The following PKP2 variants were observed in gnomAD, a reference collection of about 807,000 sequenced individuals.
PKP2 encodes the protein plakophilin 2.
Under a neutral mutation model 83.4 loss-of-function variants are expected in PKP2, and 73 were observed. That is an observed-to-expected ratio of 0.88 (90% CI 0.72 to 1.06). The LOEUF is 1.06. PKP2 is among the 50% of genes least tolerant of loss of function. The probability of loss-of-function intolerance (pLI) is 0.00; values close to 1 mark genes in which losing one functional copy is unlikely to be tolerated. For missense variants in PKP2, 966 were observed against 1,065.4 expected (o/e 0.91, Z 1.30); for synonymous variants, 409 against 430.4 (o/e 0.95, Z 0.62).
chr12:32,825,530 T>C (rs1956430697), intron 6 of PKP2, among the ~76,000 whole-genome samples: 1 of 152,206 alleles, frequency 6.6e-6, no homozygotes, highest in African/African-American at 2.4e-5. Flanking sequence ...ACTTTTTCTT[T>C]ATAATGTGTT....
chr12:32,871,462 A>AT lies in PKP2; in HGVS notation c.1035-2401dup, dbSNP rs879903373. On this transcript the variant is annotated intron_variant, in intron 3 of 12. Transcript: ENST00000340811. ...AGGTGCACGCCACCATACCCGGCTA[A>AT]TTTTTTTTTTTTATTTTTTTTGAGA... Among the ~76,000 whole-genome samples, 728 of 146,594 alleles carry AT rather than the reference A, an allele frequency of 5.0e-3. 8 individuals carry two copies. The highest frequency in any genetic ancestry group is 0.016 in the African/African-American group (661 of 40,220).
At chr12:32,793,350 A>G (rs944449656) in intron 11 of PKP2, among the ~76,000 whole-genome samples, 1 of 152,152 alleles carries the variant, frequency 6.6e-6, no homozygotes, top group Non-Finnish European at 1.5e-5. Flanking sequence ...TATTTATAGA[A>G]TATAATCTAT....
intron 4 of PKP2, among the ~76,000 whole-genome samples, chr12:32,857,991 G>A (rs1262728207): frequency 2.1e-5 from 3 of 141,440 alleles, no homozygotes; most frequent in Admixed American, 1.5e-4. Context: ...ACTTTGAGAG[G>A]CTGAGGTGAG....
At chr12:32,822,186 G>A (rs1451335629) in intron 8 of PKP2, among the ~76,000 whole-genome samples, 2 of 152,158 alleles carry the variant, frequency 1.3e-5, no homozygotes, top group African/African-American at 2.4e-5. Flanking sequence ...TACGGTTCAT[G>A]GGTAGCAATG....
At chr12:32,887,731 C>T (rs527243633) in intron 1 of PKP2, among the ~76,000 whole-genome samples, 9 of 152,288 alleles carry the variant, frequency 5.9e-5, no homozygotes, top group South Asian at 4.1e-4. Context: ...GCGCTTTAGG[C>T]GTGAGCCATT....
intron 1 of PKP2, among the ~76,000 whole-genome samples, chr12:32,890,074 C>CAAAAAAA (rs55957473): frequency 2.1e-3 from 135 of 63,548 alleles, no homozygotes; most frequent in African/African-American, 2.7e-3. Flanking sequence ...GACTCCATCT[C>CAAAAAAA]AAAAAAAAAA....
rs1565572258 is a variant in PKP2, at chr12:32,796,125, T to G, written c.2341A>C (p.Ile781Leu). The part of the protein sequence containing the change: ...NTGGIQKIMA[I>L]SAGDAYASNK... ...AGGACTTACGCATCGCCTGCACTAA[T>G]GGCCATAATTTTCTGGATGCCCCCG... The change falls in exon 11 of 13, where the codon ATT becomes CTT. Residue 781 changes from isoleucine to leucine, a missense_variant. By Grantham distance (5) the Ile-to-Leu change is conservative. Coordinates refer to ENST00000340811, the MANE Select transcript of PKP2 (RefSeq NM_001005242.3). 1 of 1,614,042 alleles carries G rather than the reference T, an allele frequency of 6.2e-7. No homozygotes were observed.
At chr12:32,815,657 C>T (rs956943250) in intron 9 of PKP2, among the ~76,000 whole-genome samples, 1 of 152,114 alleles carries the variant, frequency 6.6e-6, no homozygotes, top group African/African-American at 2.4e-5. Flanking sequence ...TTCTTGAGAA[C>T]TAAAATCTCG....
At chr12:32,868,336 C>T (rs1956867482) in intron 4 of PKP2, among the ~76,000 whole-genome samples, 1 of 152,022 alleles carries the variant, frequency 6.6e-6, no homozygotes, top group Admixed American at 6.6e-5. Context: ...GCCTCAGCCT[C>T]CCAAGTAGCT....
chr12:32,878,999 T>C lies in PKP2; in HGVS notation c.257A>G (p.Tyr86Cys), dbSNP rs1441037050. 6.2e-7 allele frequency: 1 copy of C among 1,604,260 alleles called. No individual in the cohort carries two copies. The highest frequency in any genetic ancestry group is 1.3e-5 in the African/African-American group (1 of 74,712). ...NLHRTSSVPE[Y>C]VYNLHLVEND... Reference sequence around the variant, plus strand: ...TTCAACCAAGTGTAGGTTGTAGACATACTCAGGAACACTGCTGGTTCGGTG... The same window carrying C: ...TTCAACCAAGTGTAGGTTGTAGACACACTCAGGAACACTGCTGGTTCGGTG... Residue 86 changes from tyrosine (Y) to cysteine (C), a missense_variant, in exon 2 of 13, where the codon TAT becomes TGT. Coordinates refer to ENST00000340811, the MANE Select transcript of PKP2 (RefSeq NM_001005242.3).
chr12:32,805,148 GTT>G (rs527291555), intron 9 of PKP2, among the ~76,000 whole-genome samples: 2 of 141,680 alleles, frequency 1.4e-5, no homozygotes, highest in African/African-American at 2.6e-5. Context: ...TAATGGGGTT[GTT>G]TTTTTTTTTG....
At chr12:32,888,012 T>C (rs988925945) in intron 1 of PKP2, among the ~76,000 whole-genome samples, 1 of 152,094 alleles carries the variant, frequency 6.6e-6, no homozygotes, top group Non-Finnish European at 1.5e-5. Context: ...AAACCCCATC[T>C]GTACAAAAAA....
intron 11 of PKP2, among the ~76,000 whole-genome samples, chr12:32,793,241 A>AAAT (rs753197900): frequency 5.7e-4 from 86 of 151,976 alleles, no homozygotes; most frequent in Admixed American, 1.0e-3. Context: ...CTCCATCTCA[A>AAAT]AATAATAATA....
intron 11 of PKP2, 68 bp downstream of exon 11, chr12:32,796,041 C>T (rs1478175874): frequency 2.9e-5 from 39 of 1,324,530 alleles, no homozygotes; most frequent in Middle Eastern, 2.1e-4. Flanking sequence ...CATTCACAAC[C>T]GGATTATTTA....
intron 4 of PKP2, among the ~76,000 whole-genome samples, chr12:32,862,642 T>C (rs1355092491): frequency 6.7e-6 from 1 of 148,930 alleles, no homozygotes; most frequent in African/African-American, 2.5e-5. Context: ...CGAAACTCCG[T>C]CTCAAAAAGA....
At chr12:32,792,937 C>T in intron 11 of PKP2, 1 of 595,262 alleles carries the variant, frequency 1.7e-6, no homozygotes, top group East Asian at 3.0e-5. Context: ...TTTTAAACCA[C>T]TAGCACAGTG....
intron 9 of PKP2, among the ~76,000 whole-genome samples, chr12:32,816,176 C>T (rs1392556835): frequency 1.3e-5 from 2 of 152,098 alleles, no homozygotes; most frequent in African/African-American, 2.4e-5. Flanking sequence ...TGAATAATCC[C>T]GTCACCCAGG....
intron 6 of PKP2, among the ~76,000 whole-genome samples, chr12:32,825,798 G>A (rs762632171): frequency 1.6e-4 from 24 of 152,132 alleles, no homozygotes; most frequent in Non-Finnish European, 2.6e-4. Context: ...CCAGCTACCT[G>A]GGAGACTGAG....
At chr12:32,856,663 T>C (rs1182034677) in intron 4 of PKP2, among the ~76,000 whole-genome samples, 1 of 151,830 alleles carries the variant, frequency 6.6e-6, no homozygotes, top group African/African-American at 2.4e-5. Context: ...AATGACGAGT[T>C]AATGGGTGCA....
Sources: gnomAD v4.1 joint callset for allele counts (sites outside exome capture counted in the v4.1 genomes callset) on GRCh38, gnomAD v4.1.1 for gene constraint, MANE v1.5 for transcripts, NCBI Gene and HGNC (gene_info 2026-07-23, HGNC 2026-07-21) for gene names.